Variants in SCEL observed in about 807,000 individuals in gnomAD.
SCEL encodes the protein sciellin.
In SCEL, 113 loss-of-function variants were observed where a neutral mutation model predicts 117.6. The ratio of observed to expected loss-of-function variants is 0.96; its 90% CI spans 0.83 to 1.12. SCEL has a LOEUF of 1.12. SCEL is among the 50% of genes most tolerant of loss of function. SCEL has a pLI of 0.00. For missense variants in SCEL, 785 were observed against 810.8 expected (o/e 0.97, Z 0.39); for synonymous variants, 270 against 256.2 (o/e 1.05, Z -0.51).
At chr13:77,623,121 A>T (rs1054547600) in intron 27 of SCEL, among the ~76,000 whole-genome samples, 6 of 152,234 alleles carry the variant, frequency 3.9e-5, no homozygotes, top group African/African-American at 1.4e-4. Context: ...ACAGTTCTTC[A>T]TCTTACACCA....
At position 77,551,277 on chromosome 13, in the gene SCEL, C is replaced by T. The variant is rs145152963; in HGVS notation, c.-19-4580C>T. 3.9e-5 allele frequency among the ~76,000 whole-genome samples: 6 copies of T among 152,260 alleles called. No homozygotes were observed. The East Asian group carries it at 9.6e-4, about 24-fold the overall frequency. On this transcript the variant is annotated intron_variant, in intron 1 of 32. Transcript: ENST00000349847. Reference sequence around the variant, plus strand: ...TCCCCTGTTCAGGGCGGGGGCTCAACCAGTGGATCTTTATTCTATTAGCAA... The same window carrying T: ...TCCCCTGTTCAGGGCGGGGGCTCAATCAGTGGATCTTTATTCTATTAGCAA...
intron 9 of SCEL, among the ~76,000 whole-genome samples, chr13:77,587,947 G>T (rs2086655641): frequency 6.6e-6 from 1 of 152,044 alleles, no homozygotes; most frequent in African/African-American, 2.4e-5. Flanking sequence ...TAGCCTCATG[G>T]CTTACTCTAT....
At chr13:77,574,306 T>C (rs9544541) in intron 9 of SCEL, among the ~76,000 whole-genome samples, 15,733 of 152,184 alleles carry the variant, frequency 0.1, 1,351 homozygotes, top group East Asian at 0.44. Context: ...TGGATGTGAT[T>C]TACATGGAAG....
chr13:77,542,680 A>T (rs769952400), intron 1 of SCEL, among the ~76,000 whole-genome samples: 2 of 152,254 alleles, frequency 1.3e-5, no homozygotes, highest in Admixed American at 6.5e-5. Context: ...CTATTTAAAA[A>T]TGGATTTAAA....
At chr13:77,549,905 G>T (rs1284570506) in intron 1 of SCEL, among the ~76,000 whole-genome samples, 1 of 151,994 alleles carries the variant, frequency 6.6e-6, no homozygotes, top group African/African-American at 2.4e-5. Context: ...GGATAATCTT[G>T]TGAAATATAA....
Position 77,637,480 on chromosome 13 carries a change from C to T in SCEL, c.1838+286C>T, listed in dbSNP as rs552565306. Among the ~76,000 whole-genome samples, 236 of 150,306 alleles carry T rather than the reference C, an allele frequency of 1.6e-3. 1 individual carries two copies. The highest frequency in any genetic ancestry group is 5.5e-3 in the African/African-American group (227 of 40,942). On this transcript the variant is annotated intron_variant, in intron 30 of 32. Coordinates refer to ENST00000349847, the MANE Select transcript of SCEL (RefSeq NM_144777.3). ...AGATGGTTCTGCTGATGTTTCTTGT[C>T]ATGTATGTGCATGGGCAGACCAAAG...
At chr13:77,552,661 G>A (rs2084404935) in intron 1 of SCEL, among the ~76,000 whole-genome samples, 1 of 151,438 alleles carries the variant, frequency 6.6e-6, no homozygotes, top group Non-Finnish European at 1.5e-5. Flanking sequence ...TCACTCTGAT[G>A]GTAGTTTCTT....
At chr13:77,573,035 A>C (rs1479697908) in intron 9 of SCEL, among the ~76,000 whole-genome samples, 1 of 152,206 alleles carries the variant, frequency 6.6e-6, no homozygotes, top group Non-Finnish European at 1.5e-5. Flanking sequence ...CGACAAATGA[A>C]TATTTTCTAA....
At chr13:77,633,478 AAC>A (rs1249476875) in intron 28 of SCEL, among the ~76,000 whole-genome samples, 2 of 150,212 alleles carry the variant, frequency 1.3e-5, no homozygotes, top group Admixed American at 1.3e-4. Flanking sequence ...AAGCCAGGCA[AAC>A]ACAAAGAGAG....
chr13:77,621,990 T>G (rs2089448659), intron 27 of SCEL, among the ~76,000 whole-genome samples: 1 of 152,180 alleles, frequency 6.6e-6, no homozygotes, highest in Non-Finnish European at 1.5e-5. Context: ...ACTCCCTCAC[T>G]GAAAAGAATT....
rs550920768 is a variant in SCEL at position 77,570,127 on chromosome 13, AT to A, written c.479+679del. 2.8e-4 allele frequency among the ~76,000 whole-genome samples: 42 copies of A among 152,302 alleles called. 1 individual carries two copies. Among genetic ancestry groups the A allele is most frequent in the Non-Finnish European group, 5.0e-4 (34 of 68,022 alleles). On this transcript the variant is annotated intron_variant, in intron 8 of 32. Coordinates refer to ENST00000349847, the MANE Select transcript of SCEL (RefSeq NM_144777.3). The stretch of plus-strand genomic sequence containing the variant: ...ACATCAGTGCTTTTAAATTTTCTCA[AT>A]TTCCCTGTCTGTACCTGGGTCCATG...
chr13:77,566,641 C>G (rs78334727), intron 5 of SCEL, among the ~76,000 whole-genome samples: 1,798 of 152,262 alleles, frequency 0.012, 29 homozygotes, highest in African/African-American at 0.041. Flanking sequence ...TTCCTCTCTT[C>G]CAAATCTAAT....
intron 4 of SCEL, among the ~76,000 whole-genome samples, chr13:77,561,139 C>G (rs1039862188): frequency 6.6e-6 from 1 of 152,280 alleles, no homozygotes; most frequent in Admixed American, 6.5e-5. Context: ...TCAGCTGGCT[C>G]TGATTCCACC....
At chr13:77,604,506 A>G in intron 19 of SCEL, 91 bp downstream of exon 19, 1 of 1,010,006 alleles carries the variant, frequency 9.9e-7, no homozygotes, top group Non-Finnish European at 1.4e-6. Flanking sequence ...AGTAAATTGG[A>G]ATTCAGGCCA....
chr13:77,641,824 A>C lies in SCEL; in HGVS notation c.1948-882A>C, dbSNP rs2090570070. Among the ~76,000 whole-genome samples, 3 of 152,176 alleles carry C rather than the reference A, an allele frequency of 2.0e-5. No homozygotes were observed. In the South Asian group the frequency reaches 6.2e-4, roughly 31 times the overall value. ...TTACTTTCAAAAAGTGACACATAGC[A>C]ATCAGAAATATAGTAACTCATTTTG... On this transcript the variant is annotated intron_variant, in intron 31 of 32. Transcript: ENST00000349847.
intron 19 of SCEL, among the ~76,000 whole-genome samples, chr13:77,606,891 C>T (rs908911181): frequency 6.6e-6 from 1 of 152,034 alleles, no homozygotes; most frequent in African/African-American, 2.4e-5. Flanking sequence ...CTCTGTAGAT[C>T]AGAGCAGCAT....
At chr13:77,641,694 G>A (rs2090563943) in intron 31 of SCEL, among the ~76,000 whole-genome samples, 1 of 152,110 alleles carries the variant, frequency 6.6e-6, no homozygotes, top group African/African-American at 2.4e-5. Context: ...GAAACTATGG[G>A]CCAAATATAT....
chr13:77,632,108 A>T (rs1831130129), intron 28 of SCEL, among the ~76,000 whole-genome samples: 1 of 152,206 alleles, frequency 6.6e-6, no homozygotes, highest in Non-Finnish European at 1.5e-5. Context: ...ACCTCAGATG[A>T]CCTTTATTAC....
rs371180701 is a variant in SCEL, at chr13:77,551,486, G to T, written c.-19-4371G>T. On this transcript the variant is annotated intron_variant, in intron 1 of 32. Transcript: ENST00000349847. Reference sequence around the variant, plus strand: ...GTGACTTAAATAACAGAAAATCATTGTCTCACAGTTGTGGGGGCTGGGCAG... The same window carrying T: ...GTGACTTAAATAACAGAAAATCATTTTCTCACAGTTGTGGGGGCTGGGCAG... 1.4e-3 allele frequency among the ~76,000 whole-genome samples: 211 copies of T among 152,234 alleles called. 1 individual carries two copies. Among genetic ancestry groups the T allele is most frequent in the South Asian group, 7.3e-3 (35 of 4,816 alleles).
Sources: allele counts gnomAD v4.1 joint callset (sites outside exome capture counted in the v4.1 genomes callset), GRCh38; gene constraint gnomAD v4.1.1; transcripts MANE v1.5; gene names NCBI Gene and HGNC (gene_info 2026-07-23, HGNC 2026-07-21).